The following CARMIL1 variants were observed in gnomAD, a reference collection of about 807,000 sequenced individuals.
The protein encoded by CARMIL1 is capping protein regulator and myosin 1 linker 1, also known as F-actin-uncapping protein LRRC16A.
CARMIL1 carries 90 observed loss-of-function variants against 177.1 expected under a neutral mutation model. The observed-to-expected ratio is 0.51, with a 90% CI of 0.43 to 0.61. The LOEUF is 0.61. Ranked by LOEUF, CARMIL1 falls within the 20% of genes least tolerant of loss-of-function variation. The pLI is 0.00. For missense variants in CARMIL1, 1,380 were observed against 1,667.0 expected (o/e 0.83, Z 3.00); for synonymous variants, 577 against 606.2 (o/e 0.95, Z 0.71).
Position 25,537,979 on chromosome 6 carries a change from A to C in CARMIL1, c.2192A>C (p.Lys731Thr). ...CTCATGCGTGATGCTAAGAACTCTAAAACGGTGAGTTTCACTTCAGGCTGT... is the reference window on the plus strand; with the variant it reads ...CTCATGCGTGATGCTAAGAACTCTACAACGGTGAGTTTCACTTCAGGCTGT... ...ERLMRDAKNS[K>T]TLLPNLYHVG... Residue 731 changes from lysine to threonine, a missense_variant, in exon 25 of 37, where the codon AAA becomes ACA. By Grantham distance (78) the Lys-to-Thr change is moderately conservative (BLOSUM62 -1). Coordinates refer to ENST00000329474, the MANE Select transcript of CARMIL1 (RefSeq NM_017640.6). The C allele has an allele frequency of 6.3e-7, 1 of 1,599,840 alleles. No individual in the cohort carries two copies. The highest frequency in any genetic ancestry group is 8.5e-7 in the Non-Finnish European group (1 of 1,173,208).
At chr6:25,404,755 TAAAAA>T (rs56012794) in intron 2 of CARMIL1, among the ~76,000 whole-genome samples, 1 of 139,316 alleles carries the variant, frequency 7.2e-6, no homozygotes. Context: ...GACTTCGTCT[TAAAAA>T]AAAAAAAAAA....
Position 25,434,995 on chromosome 6 carries a change from A to T in CARMIL1, c.250-488A>T, listed in dbSNP as rs550178843. On this transcript the variant is annotated intron_variant, in intron 4 of 36. Coordinates refer to ENST00000329474, the MANE Select transcript of CARMIL1 (RefSeq NM_017640.6). ...TTTTAGATTGCCTATGGGTACCCAC[A>T]GAAAGATATAGCCATACTTACACTA... 4.6e-5 allele frequency among the ~76,000 whole-genome samples: 7 copies of T among 152,374 alleles called. 1 individual carries two copies. In the South Asian group the frequency reaches 1.4e-3, roughly 32 times the overall value.
In CARMIL1 at chr6:25,480,210, A is replaced by G. The variant is rs1562195055; in HGVS notation, c.875-2047A>G. On this transcript the variant is annotated intron_variant, in intron 11 of 36. Transcript: ENST00000329474. ...TCATTATGATCTTGATATTTTCTAT[A>G]TCTTTACTGACTTTTTCTGTTCATT... Among the ~76,000 whole-genome samples, 5 of 152,236 alleles carry G rather than the reference A, an allele frequency of 3.3e-5. No homozygotes were observed. The East Asian group carries it at 7.7e-4, about 23-fold the overall frequency.
chr6:25,586,365 G>A (rs1185678177), intron 31 of CARMIL1, among the ~76,000 whole-genome samples: 1 of 150,178 alleles, frequency 6.7e-6, no homozygotes, highest in Non-Finnish European at 1.5e-5. Context: ...CGGGGTGGCA[G>A]GGCAGAGGCA....
chr6:25,322,676 T>C (rs903116054), intron 2 of CARMIL1, among the ~76,000 whole-genome samples: 1 of 152,140 alleles, frequency 6.6e-6, no homozygotes, highest in Non-Finnish European at 1.5e-5. Context: ...CCAACTAGGA[T>C]TGGATCAGAG....
At position 25,279,386 on chromosome 6, in the gene CARMIL1, G is replaced by A; in HGVS notation, c.-410G>A. 3.6e-6 allele frequency: 1 copy of A among 280,306 alleles called. No individual in the cohort carries two copies. Among genetic ancestry groups the A allele is most frequent in the Non-Finnish European group, 6.8e-6 (1 of 148,074 alleles). The allele number at this position is 280,306 out of a possible 1,614,324, so 17.4% of individuals were successfully genotyped here. ...CGCCGCTCTCCCCGCCCTCTCCCAC[G>A]CCTTCCGCTTTCACCTAGGGCTGTA... is the stretch of plus-strand genomic sequence containing the variant. On this transcript the variant is annotated 5_prime_UTR_variant, in exon 1 of 37. Coordinates refer to ENST00000329474, the MANE Select transcript of CARMIL1 (RefSeq NM_017640.6).
intron 36 of CARMIL1, chr6:25,612,978 G>T (rs1816621238): frequency 2.0e-5 from 16 of 813,684 alleles, no homozygotes; most frequent in Non-Finnish European, 2.4e-5. Context: ...TTCTATCGTG[G>T]GACTGGGTCA....
intron 2 of CARMIL1, among the ~76,000 whole-genome samples, chr6:25,335,644 G>A (rs1251514025): frequency 6.6e-6 from 1 of 152,186 alleles, no homozygotes; most frequent in Non-Finnish European, 1.5e-5. Flanking sequence ...GTATTCAGAG[G>A]CTGTCTGTAC....
intron 17 of CARMIL1, among the ~76,000 whole-genome samples, chr6:25,504,421 G>A (rs374087): frequency 6.6e-6 from 1 of 151,864 alleles, no homozygotes; most frequent in East Asian, 1.9e-4. Context: ...AAATAGACAT[G>A]TCACACTCAT....
intron 31 of CARMIL1, among the ~76,000 whole-genome samples, chr6:25,589,180 C>T (rs1200085799): frequency 1.3e-5 from 2 of 152,160 alleles, no homozygotes; most frequent in African/African-American, 4.8e-5. Context: ...TCTGAAGCTG[C>T]CATTTTCTTA....
rs1798693408 is a variant in CARMIL1, at chr6:25,450,655, T to G, written c.558T>G (p.Tyr186Ter). The change falls in exon 8 of 37, where the codon TAT becomes TAG. Residue 186 changes from tyrosine to a stop codon, truncating the protein, a stop_gained. Coordinates refer to ENST00000329474, the MANE Select transcript of CARMIL1 (RefSeq NM_017640.6). LOFTEE classifies it high-confidence loss of function. ...EEVQWDVDTI[Y>*]LTQDTRELNL... ...TCAAATAGGATGTGGATACAATTTA[T>G]CTTACCCAAGACACCAGGGAATTGA... The G allele has an allele frequency of 6.3e-7, 1 of 1,599,848 alleles. No homozygotes were observed. The highest frequency in any genetic ancestry group is 8.5e-7 in the Non-Finnish European group (1 of 1,169,694).
At chr6:25,381,303 G>A (rs905127083) in intron 2 of CARMIL1, among the ~76,000 whole-genome samples, 1 of 152,160 alleles carries the variant, frequency 6.6e-6, no homozygotes, top group Non-Finnish European at 1.5e-5. Context: ...AGCCATTCTG[G>A]CCCTTGCACA....
At chr6:25,487,687 C>G (rs938291489) in intron 12 of CARMIL1, among the ~76,000 whole-genome samples, 2 of 152,088 alleles carry the variant, frequency 1.3e-5, no homozygotes, top group African/African-American at 4.8e-5. Context: ...TGACACACCT[C>G]AAAGAGCTCC....
chr6:25,382,055 C>A (rs1053361212), intron 2 of CARMIL1, among the ~76,000 whole-genome samples: 3 of 151,958 alleles, frequency 2.0e-5, no homozygotes, highest in Non-Finnish European at 4.4e-5. Context: ...CCAGGAGATT[C>A]CAAAGGTTTT....
At chr6:25,364,427 A>G (rs1441230436) in intron 2 of CARMIL1, among the ~76,000 whole-genome samples, 1 of 152,090 alleles carries the variant, frequency 6.6e-6, no homozygotes, top group East Asian at 1.9e-4. Flanking sequence ...CCTTCTTTAT[A>G]ATTTTGTCAT....
intron 2 of CARMIL1, among the ~76,000 whole-genome samples, chr6:25,404,670 C>T (rs115235757): frequency 0.063 from 9,519 of 151,758 alleles, 335 homozygotes; most frequent in Non-Finnish European, 0.088. Flanking sequence ...TCACAAGAAT[C>T]GCTTGAACCC....
intron 2 of CARMIL1, among the ~76,000 whole-genome samples, chr6:25,406,293 G>A (rs1232070577): frequency 6.6e-6 from 1 of 152,224 alleles, no homozygotes; most frequent in East Asian, 1.9e-4. Context: ...GGAAGGGATA[G>A]CTCCTAAAGC....
chr6:25,442,594 A>C lies in CARMIL1; in HGVS notation c.371+6990A>C, dbSNP rs557953706. 7.2e-5 allele frequency among the ~76,000 whole-genome samples: 11 copies of C among 152,094 alleles called. 2 individuals are homozygous for C. The South Asian group carries it at 1.5e-3, about 20-fold the overall frequency. On this transcript the variant is annotated intron_variant, in intron 5 of 36. Transcript: ENST00000329474. The stretch of plus-strand genomic sequence containing the variant: ...TGTAGAGTGGATTCTCCTCTCACTT[A>C]TTATTTCTGTGCACAGTGTTAGCAT...
chr6:25,520,052 G>T (rs1024627205), intron 22 of CARMIL1, among the ~76,000 whole-genome samples, 192 bp from the exon 23 acceptor site: 5 of 152,152 alleles, frequency 3.3e-5, no homozygotes, highest in Non-Finnish European at 7.4e-5. Flanking sequence ...AGTTGATGTG[G>T]TTGCCTGTGG....
Sources: gnomAD v4.1 joint callset for allele counts (sites outside exome capture counted in the v4.1 genomes callset) on GRCh38, gnomAD v4.1.1 for gene constraint, MANE v1.5 for transcripts, NCBI Gene and HGNC (gene_info 2026-07-23, HGNC 2026-07-21) for gene names.